Variants in ZIC3 observed in about 807,000 individuals in gnomAD.
ZIC3 encodes zinc finger protein ZIC 3.
In ZIC3, 6 loss-of-function variants were observed where a neutral mutation model predicts 18.3. The observed-to-expected ratio is 0.33, with a 90% CI of 0.18 to 0.65. The LOEUF is 0.65. ZIC3 is among the 30% of genes least tolerant of loss of function. The pLI is 0.75. For synonymous variants in ZIC3, 175 were observed against 177.0 expected, an observed-to-expected ratio of 0.99 and a Z score of 0.09; for missense variants, 260 against 410.0, an observed-to-expected ratio of 0.63 and a Z score of 3.16.
At chrX:137,568,382 C>CT (rs1183497911) in intron 1 of ZIC3, among the ~76,000 whole-genome samples, 1 of 106,038 alleles carries the variant, frequency 9.4e-6, no homozygotes, top group East Asian at 2.9e-4. Flanking sequence ...ATCTATCTAT[C>CT]TATATTTTTT....
At chrX:137,577,624 T>A (rs1354483531) in exon 3 of ZIC3, 3 of 119,545 alleles carry the variant, frequency 2.5e-5, no homozygotes, top group African/African-American at 9.6e-5. Context: ...ATTTTATGTT[T>A]GTGTTCAGAA....
At chrX:137,576,372 GA>G (rs1204864388), downstream of ZIC3, among the ~76,000 whole-genome samples, 2 of 111,975 alleles carry the variant, frequency 1.8e-5, 1 homozygote, top group African/African-American at 6.5e-5. Context: ...CTTTAAAGTC[GA>G]GCTAAGATGC....
chrX:137,575,050 G>C (rs899449324), downstream of ZIC3, among the ~76,000 whole-genome samples: 1 of 111,704 alleles, frequency 9.0e-6, no homozygotes, highest in African/African-American at 3.3e-5. Context: ...GACCTAAAAC[G>C]CCCCCTCCGG....
intron 1 of ZIC3, among the ~76,000 whole-genome samples, chrX:137,568,127 C>T (rs1348275235): frequency 8.8e-6 from 1 of 113,148 alleles, no homozygotes; most frequent in Non-Finnish European, 1.9e-5. Flanking sequence ...GGAAGGCAAC[C>T]ATACAAATGC....
chrX:137,570,460 G>T lies in ZIC3; in HGVS notation c.*390G>T, dbSNP rs1346273010. ...ATGGAAATTCTTTTTCGCCTTAGTG[G>T]TGATTGTTTAAACTCTCACAGTCTT... On this transcript the variant is annotated 3_prime_UTR_variant, in exon 3 of 3. Coordinates refer to ENST00000287538, the MANE Select transcript of ZIC3 (RefSeq NM_003413.4). 4.6e-5 allele frequency: 10 copies of T among 217,111 alleles called. No homozygotes were observed. The highest frequency in any genetic ancestry group is 6.7e-5 in the Non-Finnish European group (8 of 120,168). The allele number at this position is 217,111 out of a possible 1,213,427, so 17.9% of individuals were successfully genotyped here. A position where few individuals can be genotyped will look rare whatever the true frequency, so the allele number is the denominator to read the frequency against.
Position 137,570,262 on chromosome X carries a change from AT to A in ZIC3, c.*193del. ...CCATGCCCTTTTCTCAGGATAGAAAATATGTTTTGGCATTTGAAGCATTTTT... is the reference window on the plus strand; with the variant it reads ...CCATGCCCTTTTCTCAGGATAGAAAAATGTTTTGGCATTTGAAGCATTTTT... On this transcript the variant is annotated 3_prime_UTR_variant, in exon 3 of 3. Coordinates refer to ENST00000287538, the MANE Select transcript of ZIC3 (RefSeq NM_003413.4). 6 of 505,251 alleles carry A rather than the reference AT, an allele frequency of 1.2e-5. No individual in the cohort carries two copies. The highest frequency in any genetic ancestry group is 2.0e-5 in the Non-Finnish European group (6 of 307,151). The allele number at this position is 505,251 out of a possible 1,213,427, so 41.6% of individuals were successfully genotyped here.
Position 137,566,308 on chromosome X carries a change from C to T in ZIC3, c.-384C>T. ...CAGGGAGCCTCCTGGCCCCGCGGTT[C>T]TGTGCACTCGGGGAGAGGAGGGGTG... On this transcript the variant is annotated 5_prime_UTR_variant, in exon 1 of 3. Transcript: ENST00000287538. 1 of 207,762 alleles carries T rather than the reference C, an allele frequency of 4.8e-6. No homozygotes were observed. The highest frequency in any genetic ancestry group is 8.8e-6 in the Non-Finnish European group (1 of 114,269). The allele number at this position is 207,762 out of a possible 1,213,427, so 17.1% of individuals were successfully genotyped here.
rs1931367637 is a variant in ZIC3, at chrX:137,567,468, T to A, written c.777T>A (p.Ala259=). The change falls in exon 1 of 3, where the codon GCT becomes GCA. Residue 259 remains alanine, a synonymous_variant. Coordinates refer to ENST00000287538, the MANE Select transcript of ZIC3 (RefSeq NM_003413.4). ...TGTCGTGCAAGTGGATCGACGAGGC[T>A]CAGCTGAGCCGGCCCAAGAAGAGCT... is the stretch of plus-strand genomic sequence containing the variant. ...QELSCKWIDE[A]QLSRPKKSCD... 1 of 1,211,686 alleles carries A rather than the reference T, an allele frequency of 8.3e-7. No individual in the cohort carries two copies.
Position 137,569,115 on chromosome X carries a change from C to T in ZIC3, c.1224+50C>T, listed in dbSNP as rs775295681. On this transcript the variant is annotated intron_variant, in intron 2 of 2. Coordinates refer to ENST00000287538, the MANE Select transcript of ZIC3 (RefSeq NM_003413.4). Reference sequence around the variant, plus strand: ...GGCGGTTTGTAAACACTCGGCCCGACGCCGGGCCGCGGAACGGAAGCGCCC... The same window carrying T: ...GGCGGTTTGTAAACACTCGGCCCGATGCCGGGCCGCGGAACGGAAGCGCCC... 3.9e-5 allele frequency: 46 copies of T among 1,193,173 alleles called. No individual in the cohort carries two copies. The South Asian group carries it at 6.4e-4, about 17-fold the overall frequency.
At chrX:137,569,180 G>T in intron 2 of ZIC3, 115 bp downstream of exon 2, 1 of 755,338 alleles carries the variant, frequency 1.3e-6, no homozygotes, top group South Asian at 2.2e-5. Flanking sequence ...AATCCGATTT[G>T]CTCCAGCAGT....
chrX:137,572,785 A>G (rs1931456174), downstream of ZIC3, among the ~76,000 whole-genome samples: 1 of 111,362 alleles, frequency 9.0e-6, no homozygotes, highest in South Asian at 3.8e-4. Flanking sequence ...CTCCTGAGAC[A>G]AAGAGCAGTT....
intron 1 of ZIC3, 144 bp downstream of exon 1, chrX:137,567,895 A>C: frequency 9.6e-7 from 1 of 1,036,769 alleles, no homozygotes. Flanking sequence ...GCTGTCAGTG[A>C]CCATCCACCC....
chrX:137,575,281 C>T (rs1264647141), downstream of ZIC3, among the ~76,000 whole-genome samples: 1 of 112,000 alleles, frequency 8.9e-6, no homozygotes, highest in Non-Finnish European at 1.9e-5. Context: ...GCCCAGGCTC[C>T]GTTTTCTGTA....
In ZIC3 at chrX:137,566,722, T is replaced by C. The variant is rs1327091342; in HGVS notation, c.31T>C (p.Phe11Leu). 3 of 1,197,854 alleles carry C rather than the reference T, an allele frequency of 2.5e-6. No homozygotes were observed. The South Asian group carries it at 5.5e-5, about 22-fold the overall frequency. The change falls in exon 1 of 3, where the codon TTC (phenylalanine) becomes CTC (leucine). Residue 11 changes from phenylalanine (F) to leucine (L), a missense_variant. Physicochemically the swap from Phe to Leu is conservative, Grantham distance 22. Around this residue, in one of 4 missense-constraint regions of ZIC3, gnomAD observed 183 missense variants for 223.8 expected, o/e 0.82. Transcript: ENST00000287538. ...GATGCTCCTGGACGGAGGCCCGCAGTTCCCTGGGCTGGGAGTGGGCAGCTT... is the reference window on the plus strand; with the variant it reads ...GATGCTCCTGGACGGAGGCCCGCAGCTCCCTGGGCTGGGAGTGGGCAGCTT... MTMLLDGGPQFPGLGVGSFGA... is the reference protein window; with the variant it reads MTMLLDGGPQLPGLGVGSFGA...
Position 137,568,891 on chromosome X carries a change from G to A in ZIC3, c.1061-11G>A. On this transcript the variant is annotated splice_polypyrimidine_tract_variant and intron_variant, in intron 1 of 2. Coordinates refer to ENST00000287538, the MANE Select transcript of ZIC3 (RefSeq NM_003413.4). ...CGTATTTTACCCCCCTTGGGTTTTT[G>A]CCTTTTGCAGGTGAGAAACCTTTCA... 8.3e-7 allele frequency: 1 copy of A among 1,210,677 alleles called. No individual in the cohort carries two copies. Among genetic ancestry groups the A allele is most frequent in the Non-Finnish European group, 1.1e-6 (1 of 895,176 alleles).
At chrX:137,568,105 G>A (rs932308453) in intron 1 of ZIC3, among the ~76,000 whole-genome samples, 2 of 113,213 alleles carry the variant, frequency 1.8e-5, no homozygotes, top group East Asian at 5.6e-4. Flanking sequence ...TTAGCTCTCG[G>A]CACACATTCG....
At chrX:137,568,811 G>A in intron 1 of ZIC3, 91 bp from the exon 2 acceptor site, 1 of 1,063,026 alleles carries the variant, frequency 9.4e-7, no homozygotes, top group Non-Finnish European at 1.3e-6. Context: ...TTTCCGGGAA[G>A]ACCGCCGGGA....
Position 137,571,479 on chromosome X carries a change from G to A in ZIC3, c.*1409G>A, listed in dbSNP as rs1931435958. ...TAAAGTGCTTCTTAAAAGAACCATA[G>A]TCCATTTACAATTTTGGAAGGCAAA... On this transcript the variant is annotated 3_prime_UTR_variant, in exon 3 of 3. Transcript: ENST00000287538. 1 of 112,332 alleles carries A rather than the reference G, an allele frequency of 8.9e-6. No individual in the cohort carries two copies. Among genetic ancestry groups the A allele is most frequent in the African/African-American group, 3.2e-5 (1 of 30,873 alleles). The allele number at this position is 112,332 out of a possible 1,213,427, so 9.3% of individuals were successfully genotyped here.
Position 137,569,902 on chromosome X carries a change from T to C in ZIC3, c.1236T>C (p.Ser412=). Reference sequence around the variant, plus strand: ...CATGTTAATTTTAGGTTCATGAATCTCAAGGGTCAGATTCCTCCCCTGCTG... The same window carrying C: ...CATGTTAATTTTAGGTTCATGAATCCCAAGGGTCAGATTCCTCCCCTGCTG... ...SLRKHMKVHE[S]QGSDSSPAAS... The change falls in exon 3 of 3, where the codon TCT becomes TCC. Residue 412 remains serine (S), a synonymous_variant. Transcript: ENST00000287538. The C allele has an allele frequency of 8.3e-7, 1 of 1,211,049 alleles. No homozygotes were observed. The highest frequency in any genetic ancestry group is 3.0e-5 in the East Asian group (1 of 33,860).
Sources: allele counts gnomAD v4.1 joint callset (sites outside exome capture counted in the v4.1 genomes callset), GRCh38; gene constraint gnomAD v4.1.1; regional missense constraint gnomAD v4.1.1; transcripts MANE v1.5; gene names NCBI Gene and HGNC (gene_info 2026-07-23, HGNC 2026-07-21).